Variants in STXBP5L observed in about 807,000 individuals in gnomAD.
The protein encoded by STXBP5L is syntaxin-binding protein 5-like.
Under a neutral mutation model 144.5 loss-of-function variants are expected in STXBP5L, and 65 were observed. That is an observed-to-expected ratio of 0.45 (90% confidence interval 0.37 to 0.55). STXBP5L has a LOEUF of 0.55. Among genes scored for constraint, STXBP5L ranks in the 20% least tolerant of loss-of-function variants. The pLI, the probability that STXBP5L is intolerant of heterozygous loss-of-function variation, is 0.00. For missense variants in STXBP5L, 1,298 were observed against 1,405.5 expected (o/e 0.92, Z 1.22); for synonymous variants, 505 against 469.6 (o/e 1.08, Z -0.97).
intron 11 of STXBP5L, among the ~76,000 whole-genome samples, chr3:121,231,136 T>C (rs1577262967): frequency 6.6e-6 from 1 of 152,302 alleles, no homozygotes. Context: ...GTTTATAATA[T>C]GCACATTGTG....
intron 5 of STXBP5L, among the ~76,000 whole-genome samples, chr3:121,053,479 C>A (rs577582804): frequency 2.6e-5 from 4 of 152,108 alleles, no homozygotes; most frequent in African/African-American, 9.7e-5. Flanking sequence ...CTGACAAAAA[C>A]AAGAAATGGG....
At chr3:121,382,109 T>C (rs1487587105) in intron 22 of STXBP5L, among the ~76,000 whole-genome samples, 1 of 152,082 alleles carries the variant, frequency 6.6e-6, no homozygotes, top group Non-Finnish European at 1.5e-5. Context: ...TTATCTTTTT[T>C]TTTTGAAGAA....
At chr3:121,280,408 G>A (rs144919706) in intron 19 of STXBP5L, among the ~76,000 whole-genome samples, 1 of 151,852 alleles carries the variant, frequency 6.6e-6, no homozygotes, top group East Asian at 1.9e-4. Context: ...TATTGTAGCT[G>A]ACTCCTTTCC....
At chr3:121,139,214 A>G (rs942803404) in intron 7 of STXBP5L, among the ~76,000 whole-genome samples, 1 of 152,088 alleles carries the variant, frequency 6.6e-6, no homozygotes, top group African/African-American at 2.4e-5. Context: ...GTGTATATTT[A>G]TAAAAGCTGA....
intron 3 of STXBP5L, among the ~76,000 whole-genome samples, chr3:121,024,045 A>C (rs1318855041): frequency 1.3e-5 from 2 of 152,172 alleles, no homozygotes; most frequent in African/African-American, 4.8e-5. Flanking sequence ...GGCATGAGCC[A>C]CCGTGCCTGG....
chr3:121,052,436 T>A (rs1948089607), intron 5 of STXBP5L, among the ~76,000 whole-genome samples: 1 of 152,268 alleles, frequency 6.6e-6, no homozygotes, highest in Non-Finnish European at 1.5e-5. Context: ...GAAGGCTGGT[T>A]CAATATACGC....
chr3:120,950,535 G>A (rs1472294463), intron 2 of STXBP5L, among the ~76,000 whole-genome samples: 1 of 149,560 alleles, frequency 6.7e-6, no homozygotes, highest in East Asian at 1.9e-4. Flanking sequence ...GGATTAGTTT[G>A]TCAATTTTTT....
At chr3:121,388,894 G>A (rs2108699296) in intron 22 of STXBP5L, among the ~76,000 whole-genome samples, 1 of 152,326 alleles carries the variant, frequency 6.6e-6, no homozygotes, top group Middle Eastern at 3.4e-3. Flanking sequence ...TAAGGATGAT[G>A]TGGGCCTCAT....
chr3:121,217,150 C>G (rs891005909), intron 10 of STXBP5L, among the ~76,000 whole-genome samples: 1 of 152,172 alleles, frequency 6.6e-6, no homozygotes, highest in South Asian at 2.1e-4. Context: ...AGCTAGACCA[C>G]TTGGCTCCCT....
intron 3 of STXBP5L, among the ~76,000 whole-genome samples, chr3:120,962,955 C>G (rs1939049611): frequency 6.6e-6 from 1 of 152,146 alleles, no homozygotes; most frequent in Non-Finnish European, 1.5e-5. Context: ...TTTCATTGAG[C>G]AGTGGTTTGT....
rs555924413 is a variant in STXBP5L, at chr3:121,327,807, A to G, written c.2176+9267A>G. ...ACAAAAATTTCCTGACAATTTGCCC[A>G]GAATCTAACAAGTCCGTGGGCATAA... On this transcript the variant is annotated intron_variant, in intron 20 of 26. Transcript: ENST00000471454. Among the ~76,000 whole-genome samples, 9 of 152,346 alleles carry G rather than the reference A, an allele frequency of 5.9e-5. No homozygotes were observed. In the East Asian group the frequency reaches 1.7e-3, roughly 29 times the overall value.
chr3:121,055,091 A>G (rs548478687), intron 5 of STXBP5L, among the ~76,000 whole-genome samples: 2 of 152,324 alleles, frequency 1.3e-5, no homozygotes, highest in South Asian at 4.1e-4. Context: ...ATAAGTTTTA[A>G]TCACAGGAAG....
chr3:121,388,081 G>A (rs1183051553), intron 22 of STXBP5L, among the ~76,000 whole-genome samples: 1 of 152,134 alleles, frequency 6.6e-6, no homozygotes, highest in Non-Finnish European at 1.5e-5. Context: ...ATTTCCTTGA[G>A]CAGTGATTTG....
At chr3:121,358,633 C>T (rs1211479050) in intron 20 of STXBP5L, among the ~76,000 whole-genome samples, 1 of 152,192 alleles carries the variant, frequency 6.6e-6, no homozygotes, top group Non-Finnish European at 1.5e-5. Flanking sequence ...TACACTTCAA[C>T]ATGAGATTTG....
intron 7 of STXBP5L, among the ~76,000 whole-genome samples, chr3:121,143,151 C>A (rs1275054732): frequency 1.3e-5 from 2 of 151,482 alleles, no homozygotes; most frequent in African/African-American, 2.4e-5. Context: ...CCTGCCAAGA[C>A]AAACCATGAA....
At chr3:121,068,338 A>G (rs916095752) in intron 5 of STXBP5L, among the ~76,000 whole-genome samples, 1 of 152,250 alleles carries the variant, frequency 6.6e-6, no homozygotes, top group Non-Finnish European at 1.5e-5. Context: ...TGTACCTAAC[A>G]TTTAATATAA....
rs1279550209 is a variant in STXBP5L, at chr3:121,407,307, A to C, written c.2652A>C (p.Leu884Phe). The C allele has an allele frequency of 1.9e-6, 3 of 1,611,568 alleles. No homozygotes were observed. Among genetic ancestry groups the C allele is most frequent in the African/African-American group, 2.7e-5 (2 of 74,768 alleles). Reference sequence around the variant, plus strand: ...CCTGTATGGACCGAATGGGTGGATTAATGCAACCGCCATATGAAGTTTGGA... The same window carrying C: ...CCTGTATGGACCGAATGGGTGGATTCATGCAACCGCCATATGAAGTTTGGA... The part of the protein sequence containing the change: ...TFSCMDRMGG[L>F]MQPPYEVWRD... The change falls in exon 23 of 27, where the codon TTA becomes TTC. Residue 884 changes from leucine (L) to phenylalanine (F), a missense_variant. Transcript: ENST00000471454.
At chr3:121,214,632 T>C (rs1424880314) in intron 10 of STXBP5L, among the ~76,000 whole-genome samples, 1 of 152,216 alleles carries the variant, frequency 6.6e-6, no homozygotes, top group Non-Finnish European at 1.5e-5. Flanking sequence ...AATTATGTCA[T>C]CAATTTTAGA....
chr3:120,939,236 C>T (rs565197183), intron 2 of STXBP5L, among the ~76,000 whole-genome samples: 1 of 152,202 alleles, frequency 6.6e-6, no homozygotes, highest in South Asian at 2.1e-4. Flanking sequence ...GGGATATCAG[C>T]CCTGGGTGCA....
Sources: allele counts gnomAD v4.1 joint callset (sites outside exome capture counted in the v4.1 genomes callset), GRCh38; gene constraint gnomAD v4.1.1; transcripts MANE v1.5; gene names NCBI Gene and HGNC (gene_info 2026-07-23, HGNC 2026-07-21).